STK39: variants seen among roughly 807,000 people sequenced by gnomAD.
STK39 encodes STE20/SPS1-related proline-alanine-rich protein kinase.
Under a neutral mutation model 77.8 loss-of-function variants are expected in STK39, and 20 were observed. The ratio of observed to expected loss-of-function variants is 0.26; its 90% CI spans 0.18 to 0.37. STK39 has a LOEUF of 0.37. STK39 is among the 10% of genes least tolerant of loss of function. The probability of loss-of-function intolerance (pLI) is 1.00; values close to 1 mark genes in which losing one functional copy is unlikely to be tolerated. For synonymous variants in STK39, 246 were observed against 234.1 expected, an observed-to-expected ratio of 1.05 and a Z score of -0.47; for missense variants, 479 against 656.5, an observed-to-expected ratio of 0.73 and a Z score of 2.95.
intron 12 of STK39, among the ~76,000 whole-genome samples, chr2:168,071,453 T>C (rs964529585): frequency 2.6e-5 from 4 of 152,184 alleles, no homozygotes; most frequent in African/African-American, 9.6e-5. Flanking sequence ...CTTATTAAAA[T>C]GTAAATACTC....
chr2:168,204,954 A>G (rs1689703908), intron 1 of STK39, among the ~76,000 whole-genome samples: 1 of 152,228 alleles, frequency 6.6e-6, no homozygotes. Flanking sequence ...AAAAACAATT[A>G]AGAAGGCAAA....
At chr2:168,199,440 T>G (rs1224169593) in intron 1 of STK39, among the ~76,000 whole-genome samples, 1 of 152,210 alleles carries the variant, frequency 6.6e-6, no homozygotes, top group African/African-American at 2.4e-5. Context: ...AAAATTGTAT[T>G]GTATTTCACA....
At chr2:168,203,656 A>G (rs964946641) in intron 1 of STK39, among the ~76,000 whole-genome samples, 23 of 152,308 alleles carry the variant, frequency 1.5e-4, no homozygotes, top group African/African-American at 5.3e-4. Context: ...ACAGTGGTAC[A>G]ATCTCGGCTC....
chr2:168,171,108 C>G (rs1688812196), intron 2 of STK39, among the ~76,000 whole-genome samples: 2 of 152,284 alleles, frequency 1.3e-5, no homozygotes, highest in South Asian at 4.1e-4. Flanking sequence ...TTAATCTTCT[C>G]TGAGGCTGAC....
intron 1 of STK39, among the ~76,000 whole-genome samples, chr2:168,191,278 T>C (rs928279430): frequency 3.3e-5 from 5 of 152,180 alleles, no homozygotes; most frequent in African/African-American, 1.2e-4. Flanking sequence ...CCCAGCTAAT[T>C]GCATCAGAGC....
At chr2:168,218,915 G>A (rs1250827439) in intron 1 of STK39, among the ~76,000 whole-genome samples, 3 of 151,672 alleles carry the variant, frequency 2.0e-5, no homozygotes, top group African/African-American at 7.3e-5. Context: ...TAAAACTCAG[G>A]ACAGGCATGC....
chr2:167,999,994 G>A (rs1299538301), intron 16 of STK39, among the ~76,000 whole-genome samples: 1 of 152,096 alleles, frequency 6.6e-6, no homozygotes, highest in Non-Finnish European at 1.5e-5. Context: ...CAGTCTTTTG[G>A]GCAGGGAGCT....
intron 5 of STK39, among the ~76,000 whole-genome samples, chr2:168,153,721 T>G (rs1688351078): frequency 6.6e-6 from 1 of 151,030 alleles, no homozygotes; most frequent in Admixed American, 6.6e-5. Context: ...AGGAAAAGAG[T>G]ATTCCAGAAA....
chr2:168,075,858 T>C (rs897718911), intron 10 of STK39, among the ~76,000 whole-genome samples: 4 of 152,132 alleles, frequency 2.6e-5, no homozygotes, highest in Non-Finnish European at 5.9e-5. Context: ...ACCTGTGAGA[T>C]TGCTAGGAAC....
At chr2:168,025,587 AGACATACAAC>A (rs1434897230) in intron 14 of STK39, among the ~76,000 whole-genome samples, 4 of 152,378 alleles carry the variant, frequency 2.6e-5, no homozygotes, top group East Asian at 1.9e-4. Flanking sequence ...CTAAGGCTAA[AGACATACAAC>A]AGCAGGAAAA....
At chr2:168,136,726 A>G (rs1450015777) in intron 8 of STK39, among the ~76,000 whole-genome samples, 1 of 152,244 alleles carries the variant, frequency 6.6e-6, no homozygotes, top group Non-Finnish European at 1.5e-5. Context: ...CACCAAATTC[A>G]AGGGGAAGAT....
At chr2:168,096,742 A>G (rs1443693234) in intron 10 of STK39, among the ~76,000 whole-genome samples, 1 of 152,212 alleles carries the variant, frequency 6.6e-6, no homozygotes, top group African/African-American at 2.4e-5. Flanking sequence ...TAAGCTCTCC[A>G]TACAGGAAGA....
At chr2:168,050,055 A>G (rs1685354222) in intron 14 of STK39, among the ~76,000 whole-genome samples, 1 of 152,212 alleles carries the variant, frequency 6.6e-6, no homozygotes, top group South Asian at 2.1e-4. Flanking sequence ...GCAATTTCAT[A>G]CTTCCATATG....
chr2:167,976,555 A>G (rs1489919719), intron 16 of STK39, among the ~76,000 whole-genome samples: 1 of 152,218 alleles, frequency 6.6e-6, no homozygotes, highest in Non-Finnish European at 1.5e-5. Flanking sequence ...CCATGCCTGT[A>G]GATAACATCA....
At chr2:168,062,187 A>G (rs1465581614) in intron 14 of STK39, among the ~76,000 whole-genome samples, 1 of 152,212 alleles carries the variant, frequency 6.6e-6, no homozygotes, top group Non-Finnish European at 1.5e-5. Context: ...GGGCTAGACT[A>G]AAACCTTGGT....
At chr2:168,222,904 T>C (rs1317531945) in intron 1 of STK39, among the ~76,000 whole-genome samples, 3 of 152,218 alleles carry the variant, frequency 2.0e-5, no homozygotes, top group African/African-American at 7.2e-5. Flanking sequence ...ATGAGCTAAA[T>C]ATGAAATGCA....
intron 10 of STK39, among the ~76,000 whole-genome samples, chr2:168,081,502 T>G (rs1435211091): frequency 6.6e-6 from 1 of 152,228 alleles, no homozygotes; most frequent in Non-Finnish European, 1.5e-5. Context: ...AACTTGCTTT[T>G]GATTCTATAA....
At chr2:168,139,644 T>C (rs934620612) in intron 7 of STK39, among the ~76,000 whole-genome samples, 3 of 152,114 alleles carry the variant, frequency 2.0e-5, no homozygotes, top group East Asian at 3.8e-4. Context: ...TCATAGACCA[T>C]ACTCTATGTA....
chr2:168,021,582 A>G (rs963328462), intron 14 of STK39, among the ~76,000 whole-genome samples: 4 of 152,194 alleles, frequency 2.6e-5, no homozygotes, highest in Non-Finnish European at 4.4e-5. Context: ...GGTATGATTT[A>G]AGGCCAGAAA....
Sources: gnomAD v4.1 joint callset for allele counts (sites outside exome capture counted in the v4.1 genomes callset) on GRCh38, gnomAD v4.1.1 for gene constraint, MANE v1.5 for transcripts, NCBI Gene and HGNC (gene_info 2026-07-23, HGNC 2026-07-21) for gene names.